NECTIN3: variants seen among roughly 807,000 people sequenced by gnomAD.
The protein encoded by NECTIN3 is nectin cell adhesion molecule 3.
A neutral mutation model predicts 49.4 loss-of-function variants in NECTIN3; 8 were observed. That is an observed-to-expected ratio of 0.16 (90% CI 0.10 to 0.29). The LOEUF is 0.29. Ranked by LOEUF, NECTIN3 falls within the 10% of genes least tolerant of loss-of-function variation. The probability of loss-of-function intolerance (pLI) is 1.00; values close to 1 mark genes in which losing one functional copy is unlikely to be tolerated. For synonymous variants in NECTIN3, 277 were observed against 241.1 expected (o/e 1.15, Z -1.38); for missense variants, 581 against 654.6 (o/e 0.89, Z 1.23).
intron 7 of NECTIN3, among the ~76,000 whole-genome samples, chr3:111,169,079 CTTTTTTTTTTTTTTTTTTT>C (rs142606359): frequency 9.6e-6 from 1 of 104,106 alleles, no homozygotes; most frequent in Non-Finnish European, 1.8e-5. Context: ...ACTATTCAAA[CTTTTTTTTTTTTTTTTTTT>C]TTTTTTTTTG....
chr3:111,173,363 ATTT>A (rs781605365), intron 7 of NECTIN3, among the ~76,000 whole-genome samples: 2 of 152,076 alleles, frequency 1.3e-5, no homozygotes, highest in Non-Finnish European at 2.9e-5. Context: ...ATCATACGTG[ATTT>A]TTTCAGTCAA....
At chr3:111,175,281 G>A (rs145473863) in intron 7 of NECTIN3, among the ~76,000 whole-genome samples, 66 of 151,792 alleles carry the variant, frequency 4.3e-4, no homozygotes, top group African/African-American at 1.6e-3. Context: ...GGGCCAAAAG[G>A]CAACTTCTTG....
chr3:111,076,570 A>G (rs1196904865), intron 1 of NECTIN3, among the ~76,000 whole-genome samples: 1 of 152,128 alleles, frequency 6.6e-6, no homozygotes, highest in African/African-American at 2.4e-5. Flanking sequence ...ATTTTTGTCT[A>G]AAATGGTCTT....
At chr3:111,089,592 G>T (rs951842650) in intron 1 of NECTIN3, among the ~76,000 whole-genome samples, 1 of 152,004 alleles carries the variant, frequency 6.6e-6, no homozygotes, top group African/African-American at 2.4e-5. Flanking sequence ...AAGTAAATGG[G>T]ATTTTAAAGT....
chr3:111,148,516 G>T (rs2034930871), intron 7 of NECTIN3, among the ~76,000 whole-genome samples: 1 of 152,180 alleles, frequency 6.6e-6, no homozygotes, highest in East Asian at 1.9e-4. Context: ...CAAGTGGTGT[G>T]AAATGTCATA....
chr3:111,137,354 C>T lies in NECTIN3; in HGVS notation c.*3139C>T, dbSNP rs562976325. 1.0e-6 allele frequency: 1 copy of T among 970,916 alleles called. No individual in the cohort carries two copies. The highest frequency in any genetic ancestry group is 1.8e-5 in the African/African-American group (1 of 56,692). 60.1% of individuals were successfully genotyped at this position (970,916 alleles called of 1,614,324 possible). ...GAAAATGCATCCTTCATAAACAGCT[C>T]CTTTCTCAAATTTTTTGTATATTGT... On this transcript the variant is annotated 3_prime_UTR_variant, in exon 6 of 6. Coordinates refer to ENST00000485303, the MANE Select transcript of NECTIN3 (RefSeq NM_015480.3).
At chr3:111,094,850 A>G (rs890311775) in intron 1 of NECTIN3, among the ~76,000 whole-genome samples, 3 of 152,250 alleles carry the variant, frequency 2.0e-5, no homozygotes, top group South Asian at 4.1e-4. Context: ...GTTATTCAGC[A>G]TAAACCATAT....
intron 1 of NECTIN3, among the ~76,000 whole-genome samples, chr3:111,108,414 C>G (rs570065610): frequency 2.4e-4 from 36 of 152,102 alleles, no homozygotes; most frequent in Non-Finnish European, 4.4e-4. Context: ...CCCTCCACCC[C>G]ACAACAGTAT....
Position 111,112,289 on chromosome 3 carries a change from C to T in NECTIN3, c.420C>T (p.Phe140=). 4 of 1,613,788 alleles carry T rather than the reference C, an allele frequency of 2.5e-6. No individual in the cohort carries two copies. The highest frequency in any genetic ancestry group is 3.4e-6 in the Non-Finnish European group (4 of 1,179,834). Residue 140 remains phenylalanine, a synonymous_variant, in exon 2 of 6, where the codon TTC becomes TTT. Transcript: ENST00000485303. ...CAATTACTCTGCATAACATAGGATT[C>T]TCTGATTCTGGAAAATACATCTGCA... ...DATITLHNIG[F]SDSGKYICKA... is the part of the protein sequence containing the mutation.
intron 2 of NECTIN3, among the ~76,000 whole-genome samples, chr3:111,113,271 G>T (rs1342926408): frequency 6.6e-6 from 1 of 152,134 alleles, no homozygotes; most frequent in African/African-American, 2.4e-5. Context: ...TCCTTTAATG[G>T]AATATGACCA....
intron 5 of NECTIN3, among the ~76,000 whole-genome samples, chr3:111,131,807 G>GA (rs1213487610): frequency 6.6e-6 from 1 of 151,524 alleles, no homozygotes; most frequent in Non-Finnish European, 1.5e-5. Context: ...TCACTGTTCT[G>GA]AAAAAAACTA....
At chr3:111,125,800 A>G (rs1261249831) in intron 4 of NECTIN3, among the ~76,000 whole-genome samples, 1 of 152,204 alleles carries the variant, frequency 6.6e-6, no homozygotes, top group Non-Finnish European at 1.5e-5. Context: ...TAGATATGTC[A>G]TGAATGGATC....
intron 1 of NECTIN3, chr3:111,074,374 A>G (rs2031026200): frequency 2.8e-6 from 1 of 357,434 alleles, no homozygotes; most frequent in Non-Finnish European, 5.8e-6. Flanking sequence ...AGCCAGTTTT[A>G]GAGTTGAAAA....
chr3:111,117,244 C>T (rs544804214), intron 2 of NECTIN3, among the ~76,000 whole-genome samples: 137 of 152,100 alleles, frequency 9.0e-4, no homozygotes, highest in Admixed American at 1.2e-3. Flanking sequence ...TACAAAAATA[C>T]GTATGGTCCA....
intron 1 of NECTIN3, among the ~76,000 whole-genome samples, chr3:111,079,078 A>T (rs2031428257): frequency 6.6e-6 from 1 of 151,918 alleles, no homozygotes. Context: ...AGTGTGCTTG[A>T]CTCTTCTGTT....
intron 5 of NECTIN3, among the ~76,000 whole-genome samples, chr3:111,142,941 A>C (rs1232384399): frequency 2.0e-5 from 3 of 151,918 alleles, no homozygotes; most frequent in African/African-American, 7.2e-5. Flanking sequence ...ATTGGTGTGG[A>C]GTAAATAACG....
chr3:111,187,568 C>T (rs2035744010), upstream of NECTIN3, among the ~76,000 whole-genome samples: 1 of 151,980 alleles, frequency 6.6e-6, no homozygotes, highest in Admixed American at 6.6e-5. Context: ...AACCAATATG[C>T]AAATGAATAA....
chr3:111,097,689 A>G (rs991680921), intron 1 of NECTIN3, among the ~76,000 whole-genome samples: 10 of 152,180 alleles, frequency 6.6e-5, no homozygotes, highest in Non-Finnish European at 1.0e-4. Context: ...CAAGCTCTCT[A>G]TGCCTGCTAC....
At chr3:111,169,151 G>T (rs950144362) in intron 7 of NECTIN3, among the ~76,000 whole-genome samples, 2 of 139,566 alleles carry the variant, frequency 1.4e-5, no homozygotes, top group African/African-American at 2.7e-5. Flanking sequence ...GTGCAGTGGC[G>T]CAATCTTGGC....
Sources: gnomAD v4.1 joint callset for allele counts (sites outside exome capture counted in the v4.1 genomes callset) on GRCh38, gnomAD v4.1.1 for gene constraint, MANE v1.5 for transcripts, NCBI Gene and HGNC (gene_info 2026-07-23, HGNC 2026-07-21) for gene names.